Variants in NSUN3 observed in about 807,000 individuals in gnomAD.
The protein encoded by NSUN3 is NOP2/Sun RNA methyltransferase 3.
A neutral mutation model predicts 36.8 loss-of-function variants in NSUN3; 24 were observed. The ratio of observed to expected loss-of-function variants is 0.65; its 90% confidence interval spans 0.47 to 0.92. NSUN3 has a LOEUF of 0.92. Ranked by LOEUF, NSUN3 falls within the 40% of genes least tolerant of loss-of-function variation. NSUN3 has a pLI of 0.00. For missense variants in NSUN3, 381 were observed against 392.8 expected (o/e 0.97, Z 0.25); for synonymous variants, 146 against 145.2 (o/e 1.01, Z -0.04).
intron 5 of NSUN3, among the ~76,000 whole-genome samples, chr3:94,103,528 A>G (rs986685635): frequency 1.3e-5 from 2 of 151,628 alleles, no homozygotes; most frequent in Non-Finnish European, 1.5e-5. Flanking sequence ...CTTGGCTGCT[A>G]TAGTATGTAG....
At chr3:94,112,463 A>G (rs1195579145) in intron 5 of NSUN3, among the ~76,000 whole-genome samples, 2 of 152,198 alleles carry the variant, frequency 1.3e-5, no homozygotes, top group Non-Finnish European at 2.9e-5. Context: ...AAGAGACTCA[A>G]AATAATAGGG....
At chr3:94,126,118 G>T in intron 5 of NSUN3, 93 bp from the exon 6 acceptor site, 1 of 1,010,018 alleles carries the variant, frequency 9.9e-7, no homozygotes, top group Non-Finnish European at 1.4e-6. Flanking sequence ...TCAGAGTAAG[G>T]TTAGTTTTAA....
At position 94,130,804 on chromosome 3, in the gene NSUN3, C is replaced by T. The variant is rs1387632692; in HGVS notation, c.*4314C>T. Among the ~76,000 whole-genome samples, 5 of 152,320 alleles carry T rather than the reference C, an allele frequency of 3.3e-5. No homozygotes were observed. The highest frequency in any genetic ancestry group is 3.4e-3 in the Middle Eastern group (1 of 294). ...CATTTCTCCAGAAACCTCTTCCTAGCCACACAGTGGGAGCCTTGTTTGACC... is the reference window on the plus strand; with the variant it reads ...CATTTCTCCAGAAACCTCTTCCTAGTCACACAGTGGGAGCCTTGTTTGACC... On this transcript the variant is annotated 3_prime_UTR_variant, in exon 6 of 6. Transcript: ENST00000314622.
In NSUN3 at chr3:94,088,739, C is replaced by T. The variant is rs181394286; in HGVS notation, c.466+4289C>T. On this transcript the variant is annotated intron_variant, in intron 3 of 5. Coordinates refer to ENST00000314622, the MANE Select transcript of NSUN3 (RefSeq NM_022072.5). ...CTAGGCTGGGGTGCAGTGGTGTGAT[C>T]TTGGGTCACTGCAGTCTCTGCCTCC... is the stretch of plus-strand genomic sequence containing the variant. Among the ~76,000 whole-genome samples the T allele has an allele frequency of 1.5e-3, 218 of 144,190 alleles. 2 individuals carry two copies. Among genetic ancestry groups the T allele is most frequent in the African/African-American group, 5.6e-3 (217 of 38,578 alleles). The allele number at this position is 144,190 out of a possible 152,430, so 94.6% of individuals were successfully genotyped here. A position where few individuals can be genotyped will look rare whatever the true frequency, so the allele number is the denominator to read the frequency against.
At chr3:94,068,219 G>A (rs544996316) in intron 2 of NSUN3, among the ~76,000 whole-genome samples, 10 of 152,150 alleles carry the variant, frequency 6.6e-5, no homozygotes, top group African/African-American at 2.4e-4. Context: ...CAATGTGAAT[G>A]GAATGTTGTT....
chr3:94,063,517 T>C lies in NSUN3; in HGVS notation c.12+379T>C, dbSNP rs537605569. ...TTCACGATGAAATTGGAGTGACTTT[T>C]CTCCCTAAATTAACTTTTCACTTTA... is the stretch of plus-strand genomic sequence containing the variant. On this transcript the variant is annotated intron_variant, in intron 1 of 5. Transcript: ENST00000314622. 6.4e-5 allele frequency: 15 copies of C among 236,212 alleles called. No homozygotes were observed. The East Asian group carries it at 1.2e-3, about 19-fold the overall frequency. 14.6% of individuals were successfully genotyped at this position (236,212 alleles called of 1,614,324 possible).
At chr3:94,072,438 C>A (rs900331223) in intron 2 of NSUN3, among the ~76,000 whole-genome samples, 33 of 152,076 alleles carry the variant, frequency 2.2e-4, no homozygotes, top group African/African-American at 7.7e-4. Context: ...TATAAACATG[C>A]AAAATGAACA....
At chr3:94,066,531 AG>A (rs1276919664) in intron 2 of NSUN3, among the ~76,000 whole-genome samples, 2 of 152,186 alleles carry the variant, frequency 1.3e-5, no homozygotes, top group Non-Finnish European at 2.9e-5. Flanking sequence ...AGGAAGATTT[AG>A]TATTTAGTTT....
At chr3:94,065,658 A>G (rs938038747) in intron 2 of NSUN3, among the ~76,000 whole-genome samples, 10 of 152,232 alleles carry the variant, frequency 6.6e-5, no homozygotes, top group African/African-American at 2.4e-4. Context: ...AGATAATTTT[A>G]GGACAATTAA....
chr3:94,083,311 A>G (rs553382488), intron 2 of NSUN3, among the ~76,000 whole-genome samples: 1 of 152,346 alleles, frequency 6.6e-6, no homozygotes, highest in Admixed American at 6.5e-5. Flanking sequence ...CAAGGAAAGA[A>G]TGCCACAACA....
intron 5 of NSUN3, among the ~76,000 whole-genome samples, chr3:94,122,452 A>G (rs532563245): frequency 1.3e-5 from 2 of 152,294 alleles, no homozygotes; most frequent in African/African-American, 4.8e-5. Flanking sequence ...TCAAAAAATT[A>G]GACATTAACT....
In NSUN3 at chr3:94,128,616, G is replaced by A; in HGVS notation, c.*2126G>A. 1 of 148,674 alleles carries A rather than the reference G, an allele frequency of 6.7e-6. No homozygotes were observed. The highest frequency in any genetic ancestry group is 2.0e-4 in the East Asian group (1 of 5,052). The allele number at this position is 148,674 out of a possible 1,614,324, so 9.2% of individuals were successfully genotyped here. ...ATATATATATATAATTTTATTAAAA[G>A]CAATTGCCCCAAAAGCAGAAATTGA... is the stretch of plus-strand genomic sequence containing the variant. On this transcript the variant is annotated 3_prime_UTR_variant, in exon 6 of 6. Transcript: ENST00000314622.
intron 5 of NSUN3, among the ~76,000 whole-genome samples, chr3:94,100,713 A>G (rs2077362047): frequency 6.6e-6 from 1 of 152,198 alleles, no homozygotes; most frequent in South Asian, 2.1e-4. Context: ...ATAGACCAAG[A>G]TATCACATTA....
intron 2 of NSUN3, among the ~76,000 whole-genome samples, chr3:94,069,306 T>C (rs536134056): frequency 2.0e-5 from 3 of 152,358 alleles, no homozygotes; most frequent in African/African-American, 7.2e-5. Flanking sequence ...CATCAGCTCT[T>C]CGTTAGCATC....
In NSUN3 at chr3:94,131,405, A is replaced by T. The variant is rs1297527876; in HGVS notation, c.*4915A>T. Among the ~76,000 whole-genome samples the T allele has an allele frequency of 6.6e-6, 1 of 152,132 alleles. No homozygotes were observed. Among genetic ancestry groups the T allele is most frequent in the Admixed American group, 6.5e-5 (1 of 15,274 alleles). On this transcript the variant is annotated 3_prime_UTR_variant, in exon 6 of 6. Coordinates refer to ENST00000314622, the MANE Select transcript of NSUN3 (RefSeq NM_022072.5). ...AGTGTAGGTTGTTTGAACCCTCAAG[A>T]TTATTAACTGACTTTACCCCTATTT...
intron 5 of NSUN3, among the ~76,000 whole-genome samples, chr3:94,103,656 G>A (rs2077374866): frequency 6.6e-6 from 1 of 151,894 alleles, no homozygotes; most frequent in Non-Finnish European, 1.5e-5. Context: ...TTTCCACTTA[G>A]TTTATCATGA....
chr3:94,076,874 C>T (rs2077248616), intron 2 of NSUN3: 1 of 1,522,874 alleles, frequency 6.6e-7, no homozygotes, highest in Non-Finnish European at 9.1e-7. Flanking sequence ...TCCTTTCTCA[C>T]TGTCGTAGTG....
intron 5 of NSUN3, among the ~76,000 whole-genome samples, chr3:94,099,882 T>C (rs1428044752): frequency 6.6e-6 from 1 of 152,094 alleles, no homozygotes; most frequent in African/African-American, 2.4e-5. Flanking sequence ...TAGAATTTCC[T>C]CTTGCCTGTC....
Position 94,063,120 on chromosome 3 carries a change from CG to C in NSUN3, c.-4del, listed in dbSNP as rs760255610. 30 of 1,613,826 alleles carry C rather than the reference CG, an allele frequency of 1.9e-5. No individual in the cohort carries two copies. The highest frequency in any genetic ancestry group is 3.4e-6 in the Non-Finnish European group (4 of 1,179,938). On this transcript the variant is annotated 5_prime_UTR_variant, in exon 1 of 6. Transcript: ENST00000314622. ...ACACCTGTTGTTTGAAAGCTCTCAG[CG>C]GGACAATGCTGACCCAGGTGAGACC... is the stretch of plus-strand genomic sequence containing the variant.
Sources: allele counts gnomAD v4.1 joint callset (sites outside exome capture counted in the v4.1 genomes callset), GRCh38; gene constraint gnomAD v4.1.1; transcripts MANE v1.5; gene names NCBI Gene and HGNC (gene_info 2026-07-23, HGNC 2026-07-21).